Variants in UGDH observed in about 807,000 individuals in gnomAD.
The protein encoded by UGDH is UDP-glucose 6-dehydrogenase, also known as UDP-Glc dehydrogenase.
In UGDH, 38 loss-of-function variants were observed where a neutral mutation model predicts 50.6. The observed-to-expected ratio is 0.75, with a 90% CI of 0.58 to 0.98. The LOEUF is 0.98. Ranked by LOEUF, UGDH falls within the 50% of genes least tolerant of loss-of-function variation. The pLI, the probability that UGDH is intolerant of heterozygous loss-of-function variation, is 0.00. For synonymous variants in UGDH, 168 were observed against 199.9 expected (o/e 0.84, Z 1.35); for missense variants, 465 against 606.2 (o/e 0.77, Z 2.45).
Position 39,500,227 on chromosome 4 carries a change from A to G in UGDH, c.1401T>C (p.Ser467=). The G allele has an allele frequency of 6.3e-7, 1 of 1,599,368 alleles. No homozygotes were observed. The highest frequency in any genetic ancestry group is 1.1e-5 in the South Asian group (1 of 87,084). ...AAGGAGCATATGGAATTCTCTTTGA[A>G]GACACCTTTTTGCCAATTGTTTCAA... The part of the protein sequence containing the change: ...FQIETIGKKV[S]SKRIPYAPSG... The change falls in exon 12 of 12, where the codon TCT becomes TCC. Residue 467 remains serine, a synonymous_variant. Transcript: ENST00000316423.
rs766554775 is a variant in UGDH, at chr4:39,505,574, TAAC to T, written c.1037+41_1037+43del. On this transcript the variant is annotated intron_variant, in intron 8 of 11. Coordinates refer to ENST00000316423, the MANE Select transcript of UGDH (RefSeq NM_003359.4). Reference sequence around the variant, plus strand: ...CAATCAAAAAATTAAGATGAGGAGTTAACACAATCTCAAAAGGGTTGAAATATT... The same window carrying T: ...CAATCAAAAAATTAAGATGAGGAGTTACAATCTCAAAAGGGTTGAAATATT... 6.6e-6 allele frequency: 10 copies of T among 1,524,744 alleles called. No individual in the cohort carries two copies. The African/African-American group carries it at 9.6e-5, about 15-fold the overall frequency. The allele number at this position is 1,524,744 out of a possible 1,614,324, so 94.5% of individuals were successfully genotyped here.
At chr4:39,510,031 A>G (rs1746180118) in intron 5 of UGDH, 124 bp from the exon 6 acceptor site, 1 of 1,135,504 alleles carries the variant, frequency 8.8e-7, no homozygotes, top group Non-Finnish European at 1.2e-6. Flanking sequence ...TGATGAGCTC[A>G]ATTTGAGGAG....
intron 2 of UGDH, among the ~76,000 whole-genome samples, chr4:39,516,275 C>T (rs1308282897): frequency 6.6e-6 from 1 of 152,034 alleles, no homozygotes; most frequent in Non-Finnish European, 1.5e-5. Flanking sequence ...CAGAGCAAGG[C>T]CCTGTCTCAA....
Position 39,499,372 on chromosome 4 carries a change from C to G in UGDH, c.*771G>C, listed in dbSNP as rs1745702498. ...TATTAAAACAAAAGGAACAAAGGAACTTTAACCAGACCATACATGTAAAGG... is the reference window on the plus strand; with the variant it reads ...TATTAAAACAAAAGGAACAAAGGAAGTTTAACCAGACCATACATGTAAAGG... On this transcript the variant is annotated 3_prime_UTR_variant, in exon 12 of 12. Coordinates refer to ENST00000316423, the MANE Select transcript of UGDH (RefSeq NM_003359.4). The G allele has an allele frequency of 6.6e-6, 1 of 152,082 alleles. No homozygotes were observed. Among genetic ancestry groups the G allele is most frequent in the African/African-American group, 2.4e-5 (1 of 41,416 alleles). The allele number at this position is 152,082 out of a possible 1,614,324, so 9.4% of individuals were successfully genotyped here.
In UGDH at chr4:39,521,436, A is replaced by AT; in HGVS notation, c.76dup (p.Met26AsnfsTer4). Reference sequence around the variant, plus strand: ...AACCGTTACCCTGATTTCAGGACACATATGAGCAATGACACTACATGTGGG... The same window carrying AT: ...AACCGTTACCCTGATTTCAGGACACATTATGAGCAATGACACTACATGTGGG... On this transcript the variant is annotated frameshift_variant, in exon 2 of 12. Coordinates refer to ENST00000316423, the MANE Select transcript of UGDH (RefSeq NM_003359.4). LOFTEE classifies it high-confidence loss of function. 1 of 1,613,528 alleles carries AT rather than the reference A, an allele frequency of 6.2e-7. No individual in the cohort carries two copies. Among genetic ancestry groups the AT allele is most frequent in the Non-Finnish European group, 8.5e-7 (1 of 1,179,712 alleles).
chr4:39,514,128 G>A lies in UGDH; in HGVS notation c.219C>T (p.Thr73=). ...CTTCTTTGATGGCATCATCAATATT[G>A]GTAGAAAAAAAAAGATTTTTTCCTC... ...SCRGKNLFFS[T]NIDDAIKEAD... Residue 73 remains threonine (T), a synonymous_variant, in exon 3 of 12, where the codon ACC becomes ACT. Coordinates refer to ENST00000316423, the MANE Select transcript of UGDH (RefSeq NM_003359.4). 6.3e-7 allele frequency: 1 copy of A among 1,583,166 alleles called. No homozygotes were observed. The highest frequency in any genetic ancestry group is 8.5e-7 in the Non-Finnish European group (1 of 1,172,462).
At chr4:39,525,694 A>G (rs1466838561) in intron 1 of UGDH, among the ~76,000 whole-genome samples, 5 of 151,218 alleles carry the variant, frequency 3.3e-5, no homozygotes, top group Non-Finnish European at 7.4e-5. Context: ...TATTTTTAGT[A>G]GAGACGGGAT....
chr4:39,509,991 G>A (rs555183837), intron 5 of UGDH, 84 bp from the exon 6 acceptor site: 73 of 1,417,174 alleles, frequency 5.2e-5, no homozygotes, highest in South Asian at 7.1e-5. Context: ...TTGCGTTGAC[G>A]CAAATTACTG....
At chr4:39,511,388 G>A (rs998863854) in intron 3 of UGDH, among the ~76,000 whole-genome samples, 3 of 151,186 alleles carry the variant, frequency 2.0e-5, no homozygotes, top group Admixed American at 6.6e-5. Flanking sequence ...AGCCTCCCAA[G>A]TAACTGGGAC....
chr4:39,500,546 GA>G, intron 11 of UGDH, among the ~76,000 whole-genome samples: 1 of 151,944 alleles, frequency 6.6e-6, no homozygotes, highest in Non-Finnish European at 1.5e-5. Flanking sequence ...AAACATGTAT[GA>G]AATTAACCTA....
Position 39,510,791 on chromosome 4 carries a change from C to G in UGDH, c.335G>C (p.Cys112Ser), listed in dbSNP as rs1578270554. The G allele has an allele frequency of 1.2e-6, 2 of 1,614,218 alleles. No homozygotes were observed. Among genetic ancestry groups the G allele is most frequent in the East Asian group, 4.5e-5 (2 of 44,890 alleles). The change falls in exon 4 of 12, where the codon TGT (cysteine) becomes TCT (serine). Residue 112 changes from cysteine (C) to serine (S), a missense_variant. Physicochemically the swap from Cys to Ser is moderately radical, Grantham distance 112. Coordinates refer to ENST00000316423, the MANE Select transcript of UGDH (RefSeq NM_003359.4). ...TGAGTTTTGCACAATGCGTCTAGCA[C>G]AAGCTTCAATATACTTCAGATCTGC... ...RAADLKYIEACARRIVQNSNG... is the reference protein window; with the variant it reads ...RAADLKYIEASARRIVQNSNG...
chr4:39,518,619 TAAA>T (rs71645106), intron 2 of UGDH, among the ~76,000 whole-genome samples: 4 of 136,846 alleles, frequency 2.9e-5, no homozygotes, highest in Non-Finnish European at 3.2e-5. Flanking sequence ...GGTTGGCCTT[TAAA>T]AAAAAAAAAA....
At chr4:39,527,125 C>T (rs1385345134) in intron 1 of UGDH, 158 bp downstream of exon 1, 1 of 1,288,950 alleles carries the variant, frequency 7.8e-7, no homozygotes, top group Non-Finnish European at 1.0e-6. Flanking sequence ...CCGCCCTAAG[C>T]CCCAAAGAGA....
chr4:39,513,973 T>C (rs1578273859), intron 3 of UGDH, 110 bp downstream of exon 3: 4 of 898,246 alleles, frequency 4.5e-6, no homozygotes, highest in African/African-American at 1.7e-5. Flanking sequence ...GACAACTCTA[T>C]ACTAAGCAAT....
At chr4:39,515,988 C>T (rs1746428546) in intron 2 of UGDH, among the ~76,000 whole-genome samples, 2 of 152,218 alleles carry the variant, frequency 1.3e-5, no homozygotes, top group African/African-American at 4.8e-5. Flanking sequence ...GCATGAGCCA[C>T]TGTGCCTGGC....
In UGDH at chr4:39,521,496, T is replaced by C. The variant is rs767490233; in HGVS notation, c.17A>G (p.Lys6Arg). MFEIK[K>R]ICCIGAGYVG... Reference sequence around the variant, plus strand: ...ATAGCCTGCACCGATGCAACAGATCTTCTTAATTTCAAACATGATTGTACT... The same window carrying C: ...ATAGCCTGCACCGATGCAACAGATCCTCTTAATTTCAAACATGATTGTACT... Residue 6 changes from lysine (K) to arginine (R), a missense_variant, in exon 2 of 12, where the codon AAG (lysine) becomes AGG (arginine). Coordinates refer to ENST00000316423, the MANE Select transcript of UGDH (RefSeq NM_003359.4). 3 of 1,597,646 alleles carry C rather than the reference T, an allele frequency of 1.9e-6. No homozygotes were observed. Among genetic ancestry groups the C allele is most frequent in the Non-Finnish European group, 2.6e-6 (3 of 1,173,152 alleles).
Position 39,508,584 on chromosome 4 carries a change from T to A in UGDH, c.888A>T (p.Val296=). Residue 296 remains valine, a synonymous_variant, in exon 7 of 12, where the codon GTA becomes GTT. Coordinates refer to ENST00000316423, the MANE Select transcript of UGDH (RefSeq NM_003359.4). ...TTAATACCTGCTGCCAATAACGAGC[T>A]ACTTCTGGCAAATTCAGAGCCTCAC... is the stretch of plus-strand genomic sequence containing the variant. The part of the protein sequence containing the change: ...YLCEALNLPE[V]ARYWQQVIDM... The A allele has an allele frequency of 1.2e-6, 2 of 1,610,974 alleles. No homozygotes were observed. The highest frequency in any genetic ancestry group is 1.7e-6 in the Non-Finnish European group (2 of 1,179,048).
intron 2 of UGDH, among the ~76,000 whole-genome samples, chr4:39,517,833 C>T (rs752425076): frequency 1.3e-5 from 2 of 152,144 alleles, no homozygotes; most frequent in African/African-American, 2.4e-5. Context: ...AGATTTTAAC[C>T]ATATTCTTAA....
At chr4:39,514,302 G>T in intron 2 of UGDH, 118 bp from the exon 3 acceptor site, 1 of 837,028 alleles carries the variant, frequency 1.2e-6, no homozygotes, top group Non-Finnish European at 1.9e-6. Context: ...AAAGGTCTAG[G>T]TTGTGCTCAA....
Sources: allele counts gnomAD v4.1 joint callset (sites outside exome capture counted in the v4.1 genomes callset), GRCh38; gene constraint gnomAD v4.1.1; transcripts MANE v1.5; gene names NCBI Gene and HGNC (gene_info 2026-07-23, HGNC 2026-07-21).